PIP4P2: variants seen among roughly 807,000 people sequenced by gnomAD.
PIP4P2 encodes the protein phosphatidylinositol-4,5-bisphosphate 4-phosphatase 2.
Under a neutral mutation model 33.3 loss-of-function variants are expected in PIP4P2, and 19 were observed. The observed-to-expected ratio is 0.57, with a 90% confidence interval of 0.40 to 0.84. PIP4P2 has a LOEUF of 0.84. Among genes scored for constraint, PIP4P2 ranks in the 40% least tolerant of loss-of-function variants. The probability of loss-of-function intolerance (pLI) is 0.00; values close to 1 mark genes in which losing one functional copy is unlikely to be tolerated. For synonymous variants in PIP4P2, 110 were observed against 111.9 expected (o/e 0.98, Z 0.11); for missense variants, 270 against 324.7 (o/e 0.83, Z 1.29).
chr8:91,003,986 G>GATAGATAGATAGATAGATAGATGAA, intron 5 of PIP4P2, among the ~76,000 whole-genome samples: 1 of 152,020 alleles, frequency 6.6e-6, no homozygotes, highest in Non-Finnish European at 1.5e-5. Flanking sequence ...TAGATAGATA[G>GATAGATAGATAGATAGATAGATGAA]ATAGATAGAT....
intron 1 of PIP4P2, among the ~76,000 whole-genome samples, chr8:91,031,447 C>T (rs1271034074): frequency 6.6e-6 from 1 of 152,134 alleles, no homozygotes; most frequent in African/African-American, 2.4e-5. Context: ...TGTAACATGC[C>T]GTCTTCCAAA....
intron 5 of PIP4P2, among the ~76,000 whole-genome samples, chr8:91,004,611 TGGCCCACTGGG>T (rs911389050): frequency 2.0e-5 from 3 of 152,168 alleles, no homozygotes; most frequent in Non-Finnish European, 4.4e-5. Flanking sequence ...GCAAATTCAG[TGGCCCACTGGG>T]GATGGATAGC....
chr8:91,003,625 T>C lies in PIP4P2; in HGVS notation c.539+5118A>G, dbSNP rs1254202975. ...TTGTGCTTGAAATGACCATGAGATA[T>C]CAAGTTGAAATAATTCTAGGCTAGA... On this transcript the variant is annotated intron_variant, in intron 5 of 6. Transcript: ENST00000285419. Among the ~76,000 whole-genome samples the C allele has an allele frequency of 3.9e-5, 6 of 152,028 alleles. No homozygotes were observed. The South Asian group carries it at 8.3e-4, about 21-fold the overall frequency.
intron 1 of PIP4P2, among the ~76,000 whole-genome samples, chr8:91,022,700 T>G (rs1006808788): frequency 3.3e-5 from 5 of 152,210 alleles, no homozygotes. Context: ...TAAAAAGAAT[T>G]AGAGCATAAA....
At chr8:91,003,577 TA>T (rs1811728145) in intron 5 of PIP4P2, among the ~76,000 whole-genome samples, 1 of 151,680 alleles carries the variant, frequency 6.6e-6, no homozygotes, top group Non-Finnish European at 1.5e-5. Context: ...GTTTGCAGAG[TA>T]AGGTGGGAAT....
chr8:91,019,600 G>A (rs892950575), intron 3 of PIP4P2, among the ~76,000 whole-genome samples: 9 of 151,836 alleles, frequency 5.9e-5, no homozygotes, highest in Non-Finnish European at 1.3e-4. Context: ...AACAGATGGG[G>A]TCTCACTCTG....
At chr8:91,031,574 A>T (rs909354470) in intron 1 of PIP4P2, among the ~76,000 whole-genome samples, 23 of 152,224 alleles carry the variant, frequency 1.5e-4, no homozygotes, top group Admixed American at 1.0e-3. Context: ...ATATGAGAGG[A>T]AGAAAAATTT....
At chr8:91,040,418 T>TCACCACCACCAC (rs58764824) in intron 1 of PIP4P2, among the ~76,000 whole-genome samples, 1 of 131,498 alleles carries the variant, frequency 7.6e-6, no homozygotes, top group Non-Finnish European at 1.6e-5. Flanking sequence ...ACCACCACCA[T>TCACCACCACCAC]CACCACCACC....
At chr8:91,028,229 C>CT (rs1286251274) in intron 1 of PIP4P2, among the ~76,000 whole-genome samples, 4 of 152,154 alleles carry the variant, frequency 2.6e-5, no homozygotes, top group Admixed American at 6.5e-5. Flanking sequence ...AGAAAAAACT[C>CT]TAAGTATTTT....
At chr8:91,027,170 C>T (rs1374713890) in intron 1 of PIP4P2, among the ~76,000 whole-genome samples, 1 of 152,208 alleles carries the variant, frequency 6.6e-6, no homozygotes, top group African/African-American at 2.4e-5. Flanking sequence ...CACAGCCTTA[C>T]TAGGTAAATC....
Position 91,020,297 on chromosome 8 carries a change from T to C in PIP4P2, c.256-34A>G. On this transcript the variant is annotated intron_variant, in intron 2 of 6. Transcript: ENST00000285419. ...GGGAAGAAAATGCAAACACAGCAAT[T>C]AACCAAAGTACAGATTGTCAAAGTT... The C allele has an allele frequency of 1.9e-6, 3 of 1,581,454 alleles. No individual in the cohort carries two copies. In the South Asian group the frequency reaches 3.3e-5, roughly 17 times the overall value.
rs1404253990 is a variant in PIP4P2 at position 91,004,009 on chromosome 8, A to AGATAGATG, written c.539+4733_539+4734insCATCTATC. On this transcript the variant is annotated intron_variant, in intron 5 of 6. Transcript: ENST00000285419. The stretch of plus-strand genomic sequence containing the variant: ...TAGATAGATAGATAGATAGATAGAT[A>AGATAGATG]GATGAAATAGATAAGAGGCAATTTA... Among the ~76,000 whole-genome samples the AGATAGATG allele has an allele frequency of 7.5e-5, 11 of 146,380 alleles. No homozygotes were observed. In the South Asian group the frequency reaches 2.0e-3, roughly 26 times the overall value.
rs184115543 is a variant in PIP4P2, at chr8:91,028,738, G to A, written c.107-7334C>T. Among the ~76,000 whole-genome samples, 174 of 152,260 alleles carry A rather than the reference G, an allele frequency of 1.1e-3. 1 individual carries two copies. The highest frequency in any genetic ancestry group is 3.9e-3 in the African/African-American group (163 of 41,558). ...AAATTTCAGAGATTGGTGCCACTAG[G>A]AAAGACCTGTTAAGATGCAAGGATG... On this transcript the variant is annotated intron_variant, in intron 1 of 6. Coordinates refer to ENST00000285419, the MANE Select transcript of PIP4P2 (RefSeq NM_018710.3).
intron 1 of PIP4P2, among the ~76,000 whole-genome samples, chr8:91,031,469 T>TG (rs1812163576): frequency 6.6e-6 from 1 of 152,186 alleles, no homozygotes; most frequent in Non-Finnish European, 1.5e-5. Context: ...TCTCCCCCTG[T>TG]GGAAATCACA....
chr8:91,021,539 A>G, intron 1 of PIP4P2, 135 bp from the exon 2 acceptor site: 1 of 995,798 alleles, frequency 1.0e-6, no homozygotes, highest in South Asian at 1.9e-5. Flanking sequence ...AAAGCTAGCC[A>G]ATTTATCTTA....
intron 5 of PIP4P2, 30 bp from the exon 6 acceptor site, chr8:90,996,774 T>G: frequency 6.5e-7 from 1 of 1,535,630 alleles, no homozygotes; most frequent in South Asian, 1.2e-5. Context: ...AAAGAGAACA[T>G]TAAGTATTTA....
intron 5 of PIP4P2, among the ~76,000 whole-genome samples, chr8:91,003,833 T>C (rs1168144371): frequency 6.6e-6 from 1 of 151,950 alleles, no homozygotes; most frequent in Non-Finnish European, 1.5e-5. Flanking sequence ...AAAGAAGAGT[T>C]GTGAGAAGTA....
chr8:91,016,533 T>C (rs1811916519), intron 4 of PIP4P2: 1 of 152,182 alleles, frequency 6.6e-6, no homozygotes, highest in South Asian at 2.1e-4. Context: ...TTCTGAAAGG[T>C]GACAACTGGC....
chr8:91,032,838 C>A (rs1812187381), intron 1 of PIP4P2, among the ~76,000 whole-genome samples: 1 of 150,870 alleles, frequency 6.6e-6, no homozygotes, highest in Admixed American at 6.6e-5. Flanking sequence ...AAGGTGTATT[C>A]AGGGTTACCT....
Sources: allele counts gnomAD v4.1 joint callset (sites outside exome capture counted in the v4.1 genomes callset), GRCh38; gene constraint gnomAD v4.1.1; transcripts MANE v1.5; gene names NCBI Gene and HGNC (gene_info 2026-07-23, HGNC 2026-07-21).